PARD3B: variants seen among roughly 807,000 people sequenced by gnomAD.
PARD3B encodes par-3 family cell polarity regulator beta.
PARD3B carries 103 observed loss-of-function variants against 130.2 expected under a neutral mutation model. The observed-to-expected ratio is 0.79, with a 90% CI of 0.67 to 0.93. PARD3B has a LOEUF of 0.93. PARD3B is among the 40% of genes least tolerant of loss of function. PARD3B has a pLI of 0.00. For missense variants in PARD3B, 1,609 were observed against 1,499.2 expected, an observed-to-expected ratio of 1.07 and a Z score of -1.21; for synonymous variants, 583 against 553.2, an observed-to-expected ratio of 1.05 and a Z score of -0.76.
chr2:205,304,871 G>T (rs1239622339), intron 18 of PARD3B, among the ~76,000 whole-genome samples: 2 of 152,200 alleles, frequency 1.3e-5, no homozygotes, highest in Non-Finnish European at 2.9e-5. Flanking sequence ...ACTTAGCCTG[G>T]GAGGTAGAGG....
intron 16 of PARD3B, among the ~76,000 whole-genome samples, chr2:205,290,359 G>A (rs2041562127): frequency 6.6e-6 from 1 of 152,162 alleles, no homozygotes; most frequent in Non-Finnish European, 1.5e-5. Context: ...AGGCAGCAAA[G>A]AAAATGGGAG....
rs2038802446 is a variant in PARD3B at position 205,230,893 on chromosome 2, C to T, written c.2141-14885C>T. On this transcript the variant is annotated intron_variant, in intron 15 of 22. Transcript: ENST00000406610. This position sits in a 1 kb window ranked among gnomAD's most constrained non-coding sequence, Gnocchi z 4.1. ...TCTGGCTGTGTTCTGCCTGGTGTTG[C>T]TTTCCACCATGACAGGGTGGAAAGC... 6.6e-6 allele frequency among the ~76,000 whole-genome samples: 1 copy of T among 152,066 alleles called. No homozygotes were observed. Among genetic ancestry groups the T allele is most frequent in the South Asian group, 2.1e-4 (1 of 4,820 alleles).
chr2:204,980,400 A>C (rs1035458812), intron 3 of PARD3B, among the ~76,000 whole-genome samples: 1 of 152,192 alleles, frequency 6.6e-6, no homozygotes, highest in Non-Finnish European at 1.5e-5. Flanking sequence ...AGGAGTTGAC[A>C]AATCTTTCTA....
At chr2:205,361,239 C>T (rs990910130) in intron 18 of PARD3B, among the ~76,000 whole-genome samples, 6 of 152,094 alleles carry the variant, frequency 3.9e-5, no homozygotes, top group African/African-American at 1.4e-4. Flanking sequence ...CTCTGCAGGA[C>T]AGTATATTTG....
At chr2:205,393,427 A>G (rs891983992) in intron 18 of PARD3B, among the ~76,000 whole-genome samples, 1 of 152,246 alleles carries the variant, frequency 6.6e-6, no homozygotes, top group Admixed American at 6.5e-5. Context: ...CACATGTGAC[A>G]TTGTTCCACA....
chr2:205,056,416 G>A (rs1699637102), intron 4 of PARD3B, among the ~76,000 whole-genome samples: 1 of 151,944 alleles, frequency 6.6e-6, no homozygotes, highest in South Asian at 2.1e-4. Flanking sequence ...TACTGTGAGT[G>A]TTTTACGCTT....
At position 205,584,099 on chromosome 2, in the gene PARD3B, T is replaced by G. The variant is rs1444222057; in HGVS notation, c.3260+30696T>G. ...TTCAAAGTCAAAAATTACAAGCAGT[T>G]AATCACAATTGGAAATAATTCTTTG... On this transcript the variant is annotated intron_variant, in intron 22 of 22. Coordinates refer to ENST00000406610, the MANE Select transcript of PARD3B (RefSeq NM_001302769.2). This position sits in a 1 kb window ranked among gnomAD's most constrained non-coding sequence, Gnocchi z 5.5. Among the ~76,000 whole-genome samples the G allele has an allele frequency of 6.6e-6, 1 of 152,208 alleles. No individual in the cohort carries two copies. The highest frequency in any genetic ancestry group is 6.5e-5 in the Admixed American group (1 of 15,282).
Position 204,727,936 on chromosome 2 carries a change from G to A in PARD3B, c.222+41654G>A, listed in dbSNP as rs151288244. ...TCTTACCAGGAAGGAATGCTGGTGG[G>A]TTGTTGTGTCAAAATTGCAAAAGGG... On this transcript the variant is annotated intron_variant, in intron 2 of 22. Coordinates refer to ENST00000406610, the MANE Select transcript of PARD3B (RefSeq NM_001302769.2). Among the ~76,000 whole-genome samples the A allele has an allele frequency of 2.5e-3, 385 of 152,248 alleles. 2 individuals carry two copies. Among genetic ancestry groups the A allele is most frequent in the African/African-American group, 8.9e-3 (371 of 41,558 alleles).
At chr2:205,535,403 C>G (rs935962368) in intron 21 of PARD3B, among the ~76,000 whole-genome samples, 4 of 152,112 alleles carry the variant, frequency 2.6e-5, no homozygotes, top group African/African-American at 4.8e-5. Context: ...CTAAACCATC[C>G]TTAGAGATGT....
At chr2:204,811,030 C>G (rs1170059487) in intron 2 of PARD3B, among the ~76,000 whole-genome samples, 1 of 151,992 alleles carries the variant, frequency 6.6e-6, no homozygotes, top group Non-Finnish European at 1.5e-5. Flanking sequence ...CTTCTTTGTT[C>G]AGTCTTGGAA....
chr2:205,053,441 C>T (rs570949804), intron 4 of PARD3B, among the ~76,000 whole-genome samples: 21 of 151,826 alleles, frequency 1.4e-4, no homozygotes, highest in African/African-American at 4.6e-4. Flanking sequence ...AGTTCGAGAC[C>T]AGCTGGCCAA....
At chr2:204,794,424 T>A (rs1574999787) in intron 2 of PARD3B, among the ~76,000 whole-genome samples, 2 of 152,176 alleles carry the variant, frequency 1.3e-5, no homozygotes, top group East Asian at 3.9e-4. Context: ...ATGAGTGGGC[T>A]GGTAGTGGTT....
Position 205,268,372 on chromosome 2 carries a change from T to C in PARD3B, c.2185+22550T>C, listed in dbSNP as rs1025409686. Among the ~76,000 whole-genome samples the C allele has an allele frequency of 1.3e-5, 2 of 152,208 alleles. No individual in the cohort carries two copies. Among genetic ancestry groups the C allele is most frequent in the East Asian group, 1.9e-4 (1 of 5,194 alleles). On this transcript the variant is annotated intron_variant, in intron 16 of 22. Coordinates refer to ENST00000406610, the MANE Select transcript of PARD3B (RefSeq NM_001302769.2). This position sits in a 1 kb window ranked among gnomAD's most constrained non-coding sequence, Gnocchi z 4.1. Reference sequence around the variant, plus strand: ...AATAAGCATCAACTTGGAAATCAAATTGACTTTTTTCTTAACACTGAACAA... The same window carrying C: ...AATAAGCATCAACTTGGAAATCAAACTGACTTTTTTCTTAACACTGAACAA...
intron 18 of PARD3B, among the ~76,000 whole-genome samples, chr2:205,305,418 A>G (rs2042154102): frequency 6.6e-6 from 1 of 152,188 alleles, no homozygotes; most frequent in Admixed American, 6.5e-5. Flanking sequence ...CCAGATTGGG[A>G]CAGATGTCCC....
intron 3 of PARD3B, among the ~76,000 whole-genome samples, chr2:204,982,677 A>G (rs994468441): frequency 6.6e-6 from 1 of 152,248 alleles, no homozygotes; most frequent in African/African-American, 2.4e-5. Context: ...ATATGGTGAC[A>G]CAAAACAAGT....
chr2:205,278,507 C>G (rs1451479315), intron 16 of PARD3B, among the ~76,000 whole-genome samples: 1 of 151,860 alleles, frequency 6.6e-6, no homozygotes, highest in African/African-American at 2.4e-5. Context: ...TTTCAAAGGT[C>G]TGATAAAGAG....
chr2:204,985,117 C>G (rs554974394), intron 3 of PARD3B, among the ~76,000 whole-genome samples: 9 of 152,198 alleles, frequency 5.9e-5, no homozygotes, highest in African/African-American at 2.2e-4. Context: ...GTCTCTTTCT[C>G]TTCTTTCCAT....
intron 1 of PARD3B, among the ~76,000 whole-genome samples, chr2:204,579,699 G>A (rs973929091): frequency 8.5e-5 from 13 of 152,132 alleles, no homozygotes; most frequent in African/African-American, 3.1e-4. Context: ...TGGAATCTTT[G>A]GCTTTTCAGA....
intron 16 of PARD3B, among the ~76,000 whole-genome samples, chr2:205,262,044 A>G (rs1208632930): frequency 6.6e-6 from 1 of 152,112 alleles, no homozygotes; most frequent in Non-Finnish European, 1.5e-5. Context: ...TTTGCACCAA[A>G]TGATTTTTGG....
Sources: gnomAD v4.1 joint callset for allele counts (sites outside exome capture counted in the v4.1 genomes callset) on GRCh38, gnomAD v4.1.1 for gene constraint, Gnocchi (gnomAD v3.1) non-coding constraint, MANE v1.5 for transcripts, NCBI Gene and HGNC (gene_info 2026-07-23, HGNC 2026-07-21) for gene names.